CCDC82: variants seen among roughly 807,000 people sequenced by gnomAD.
CCDC82 encodes coiled-coil domain containing 82.
CCDC82 carries 47 observed loss-of-function variants against 60.6 expected under a neutral mutation model. That is an observed-to-expected ratio of 0.77 (90% confidence interval 0.61 to 0.99). CCDC82 has a LOEUF of 0.99. Among genes scored for constraint, CCDC82 ranks in the 50% least tolerant of loss-of-function variants. The probability of loss-of-function intolerance (pLI) is 0.00; values close to 1 mark genes in which losing one functional copy is unlikely to be tolerated. For synonymous variants in CCDC82, 212 were observed against 207.4 expected (o/e 1.02, Z -0.19); for missense variants, 588 against 633.0 (o/e 0.93, Z 0.76).
chr11:96,379,333 A>G (rs1303258026), intron 5 of CCDC82, among the ~76,000 whole-genome samples: 2 of 151,894 alleles, frequency 1.3e-5, no homozygotes, highest in Non-Finnish European at 2.9e-5. Flanking sequence ...ATCATAAATT[A>G]TCACTCTAGA....
intron 5 of CCDC82, among the ~76,000 whole-genome samples, chr11:96,380,336 G>A (rs867504086): frequency 8.6e-5 from 13 of 151,726 alleles, no homozygotes; most frequent in Non-Finnish European, 7.4e-5. Context: ...TGAAAATAAA[G>A]AGAACTGAGT....
At chr11:96,369,701 C>T (rs1291784562) in intron 7 of CCDC82, among the ~76,000 whole-genome samples, 1 of 152,124 alleles carries the variant, frequency 6.6e-6, no homozygotes, top group Non-Finnish European at 1.5e-5. Context: ...TGAAATACTG[C>T]AATAATTACC....
At chr11:96,363,101 G>C (rs1406870804) in intron 8 of CCDC82, 3 of 151,982 alleles carry the variant, frequency 2.0e-5, no homozygotes, top group Non-Finnish European at 4.4e-5. Flanking sequence ...GACTACAGGT[G>C]CCCGCCACCT....
intron 7 of CCDC82, among the ~76,000 whole-genome samples, chr11:96,369,631 T>C (rs1394642050): frequency 1.3e-5 from 2 of 152,108 alleles, no homozygotes; most frequent in African/African-American, 2.4e-5. Context: ...ATTATAATAG[T>C]AACATCAAAG....
At chr11:96,366,960 T>C (rs1355248246) in intron 7 of CCDC82, among the ~76,000 whole-genome samples, 1 of 152,244 alleles carries the variant, frequency 6.6e-6, no homozygotes, top group Non-Finnish European at 1.5e-5. Flanking sequence ...TGTACTGTAG[T>C]CTATTAAGCA....
intron 9 of CCDC82, chr11:96,357,224 TAA>T: frequency 1.0e-6 from 1 of 985,412 alleles, no homozygotes; most frequent in Non-Finnish European, 1.2e-6. Flanking sequence ...ATATTGGCTA[TAA>T]ACCTCTGTGG....
At chr11:96,380,359 C>T (rs1230497968) in intron 5 of CCDC82, among the ~76,000 whole-genome samples, 1 of 151,506 alleles carries the variant, frequency 6.6e-6, no homozygotes, top group African/African-American at 2.4e-5. Flanking sequence ...ATAATAGAGC[C>T]GAATGAGAAG....
chr11:96,360,197 T>C (rs7948190), intron 8 of CCDC82, among the ~76,000 whole-genome samples: 11,118 of 124,314 alleles, frequency 0.089, 469 homozygotes, highest in African/African-American at 0.11. Flanking sequence ...TATATATATA[T>C]ATTTTTTTTG....
At chr11:96,364,685 CACTT>C (rs1268404437) in intron 8 of CCDC82, 3 of 204,424 alleles carry the variant, frequency 1.5e-5, no homozygotes, top group East Asian at 1.3e-4. Flanking sequence ...GTCTAAAAAA[CACTT>C]ACTCTTCAGT....
Position 96,384,664 on chromosome 11 carries a change from TC to T in CCDC82, c.83del (p.Arg28GlnfsTer60), listed in dbSNP as rs1389056997. On this transcript the variant is annotated frameshift_variant, in exon 4 of 10. Coordinates refer to ENST00000646818, the MANE Select transcript of CCDC82 (RefSeq NM_024725.4). LOFTEE classifies it high-confidence loss of function. ...ATTGTGAGATACTACTTCTTTTAGTTCGCCTCCAATCAACTCGAGATTTCTG... is the reference window on the plus strand; with the variant it reads ...ATTGTGAGATACTACTTCTTTTAGTTGCCTCCAATCAACTCGAGATTTCTG... Reference protein sequence around the residue: ...PEQKSRVDWRRTKRSSISQLL... With the variant: ...PEQKSRVDWRXTKRSSISQLL... 6.2e-7 allele frequency: 1 copy of T among 1,613,464 alleles called. No individual in the cohort carries two copies. The highest frequency in any genetic ancestry group is 8.5e-7 in the Non-Finnish European group (1 of 1,179,642).
chr11:96,377,720 A>C (rs139016986), intron 5 of CCDC82, among the ~76,000 whole-genome samples: 2 of 152,048 alleles, frequency 1.3e-5, no homozygotes, highest in African/African-American at 4.8e-5. Flanking sequence ...TCTAATATTA[A>C]GCCATTTTTA....
At position 96,371,097 on chromosome 11, in the gene CCDC82, T is replaced by A; in HGVS notation, c.1125A>T (p.Thr375=). 2 of 1,604,038 alleles carry A rather than the reference T, an allele frequency of 1.2e-6. No homozygotes were observed. Among genetic ancestry groups the A allele is most frequent in the East Asian group, 4.5e-5 (2 of 44,350 alleles). ...AGCGGTTATCCAAATAATGAAGAGA[T>A]GTTAGCATATCTTTTGCATATGATT... ...RQKSYAKDML[T]SLHYLDNRFV... Residue 375 remains threonine (T), a synonymous_variant, in exon 7 of 10, where the codon ACA becomes ACT. Coordinates refer to ENST00000646818, the MANE Select transcript of CCDC82 (RefSeq NM_024725.4).
At chr11:96,367,908 C>T (rs1356691383) in intron 7 of CCDC82, among the ~76,000 whole-genome samples, 3 of 148,654 alleles carry the variant, frequency 2.0e-5, no homozygotes, top group African/African-American at 5.0e-5. Context: ...GCAACCTCTG[C>T]CTCCCAGGTT....
chr11:96,371,569 G>A (rs1865278084), intron 6 of CCDC82, among the ~76,000 whole-genome samples: 1 of 152,190 alleles, frequency 6.6e-6, no homozygotes, highest in Non-Finnish European at 1.5e-5. Flanking sequence ...GTGATAGAGT[G>A]AGACTCCGTC....
chr11:96,383,568 T>A lies in CCDC82; in HGVS notation c.787-95A>T, dbSNP rs187135248. ...AACATTAAATCTGACAGCAAAAAAA[T>A]GATCCATAGTAATTAACTTCATATT... On this transcript the variant is annotated intron_variant, in intron 4 of 9. Coordinates refer to ENST00000646818, the MANE Select transcript of CCDC82 (RefSeq NM_024725.4). The A allele has an allele frequency of 6.6e-6, 5 of 759,916 alleles. No homozygotes were observed. The African/African-American group carries it at 7.1e-5, about 11-fold the overall frequency. The allele number at this position is 759,916 out of a possible 1,614,324, so 47.1% of individuals were successfully genotyped here.
Position 96,353,470 on chromosome 11 carries a change from T to A in CCDC82, c.*176A>T. The A allele has an allele frequency of 1.8e-6, 1 of 555,804 alleles. No individual in the cohort carries two copies. Among genetic ancestry groups the A allele is most frequent in the South Asian group, 2.3e-5 (1 of 43,502 alleles). 34.4% of individuals were successfully genotyped at this position (555,804 alleles called of 1,614,324 possible). A position where few individuals can be genotyped will look rare whatever the true frequency, so the allele number is the denominator to read the frequency against. ...TGCTTTTATGTACATCAGATAAAAGTTTAATTAGAGTGTAGAGTGCCACTT... is the reference window on the plus strand; with the variant it reads ...TGCTTTTATGTACATCAGATAAAAGATTAATTAGAGTGTAGAGTGCCACTT... On this transcript the variant is annotated 3_prime_UTR_variant, in exon 10 of 10. Transcript: ENST00000646818.
intron 9 of CCDC82, chr11:96,356,867 G>A (rs1019654178): frequency 1.0e-6 from 1 of 985,240 alleles, no homozygotes; most frequent in African/African-American, 1.7e-5. Flanking sequence ...AATGGCTGAA[G>A]AAGCAGGTAA....
chr11:96,373,497 C>T (rs11021560), intron 5 of CCDC82, 30 bp from the exon 6 acceptor site: 6 of 1,326,348 alleles, frequency 4.5e-6, no homozygotes. Context: ...AATATTAGAA[C>T]AGAGCAGACA....
At chr11:96,370,610 C>T (rs1383323418) in intron 7 of CCDC82, among the ~76,000 whole-genome samples, 2 of 152,098 alleles carry the variant, frequency 1.3e-5, no homozygotes, top group Non-Finnish European at 2.9e-5. Context: ...TCCATACCAC[C>T]CTTTGAATAT....
Sources: allele counts gnomAD v4.1 joint callset (sites outside exome capture counted in the v4.1 genomes callset), GRCh38; gene constraint gnomAD v4.1.1; transcripts MANE v1.5; gene names NCBI Gene and HGNC (gene_info 2026-07-23, HGNC 2026-07-21).